The following KIF26A variants were observed in gnomAD, a reference collection of about 807,000 sequenced individuals.
The protein encoded by KIF26A is kinesin-like protein KIF26A.
Under a neutral mutation model 126.0 loss-of-function variants are expected in KIF26A, and 74 were observed. That is an observed-to-expected ratio of 0.59 (90% CI 0.49 to 0.71). The LOEUF (loss-of-function observed/expected upper bound fraction) is 0.71. Among genes scored for constraint, KIF26A ranks in the 30% least tolerant of loss-of-function variants. KIF26A has a pLI of 0.00. For synonymous variants in KIF26A, 1,445 were observed against 1,232.7 expected (o/e 1.17, Z -3.61); for missense variants, 2,984 against 2,763.3 (o/e 1.08, Z -1.79).
At position 104,148,045 on chromosome 14, in the gene KIF26A, G is replaced by T. The variant is rs2037695437; in HGVS notation, c.289-3970G>T. On this transcript the variant is annotated intron_variant, in intron 2 of 14. Coordinates refer to ENST00000423312, the MANE Select transcript of KIF26A (RefSeq NM_015656.2). This position sits in a 1 kb window ranked among gnomAD's most constrained non-coding sequence, Gnocchi z 4.3. Reference sequence around the variant, plus strand: ...TCCCAGGGTGGCCTTACCTGGCGGGGAGGTTTGATCAGCTGTTCTTTCCCA... The same window carrying T: ...TCCCAGGGTGGCCTTACCTGGCGGGTAGGTTTGATCAGCTGTTCTTTCCCA... Among the ~76,000 whole-genome samples, 1 of 152,224 alleles carries T rather than the reference G, an allele frequency of 6.6e-6. No homozygotes were observed. The highest frequency in any genetic ancestry group is 1.5e-5 in the Non-Finnish European group (1 of 68,036).
At chr14:104,160,450 T>A (rs998161003) in intron 4 of KIF26A, among the ~76,000 whole-genome samples, 10 of 152,120 alleles carry the variant, frequency 6.6e-5, no homozygotes, top group Admixed American at 6.5e-5. Context: ...GTACCCGAGT[T>A]TCGTTAATGC....
In KIF26A at chr14:104,178,576, G is replaced by C. The variant is rs950206467; in HGVS notation, c.5137G>C (p.Ala1713Pro). ...TCTGCAGCGGCGGCGCCTGATTCCC[G>C]CCCCACTGCCCGACACCACTGCCCT... ...TGLQRRRLIP[A>P]PLPDTTALGR... is the part of the protein sequence containing the mutation. The change falls in exon 13 of 15, where the codon GCC becomes CCC. Residue 1713 changes from alanine (A) to proline (P), a missense_variant. Ala to Pro is a conservative substitution (Grantham distance 27). Coordinates refer to ENST00000423312, the MANE Select transcript of KIF26A (RefSeq NM_015656.2). The C allele has an allele frequency of 6.7e-7, 1 of 1,490,310 alleles. No homozygotes were observed. Among genetic ancestry groups the C allele is most frequent in the South Asian group, 1.3e-5 (1 of 77,282 alleles). The allele number at this position is 1,490,310 out of a possible 1,614,324, so 92.3% of individuals were successfully genotyped here. A position where few individuals can be genotyped will look rare whatever the true frequency, so the allele number is the denominator to read the frequency against.
Position 104,176,947 on chromosome 14 carries a change from C to G in KIF26A, c.4159C>G (p.Pro1387Ala). ...CTCGGCCCCTCCGCATGCTGTGAACCCGGCGCGGGTCGGGGCTGCTGCTGT... is the reference window on the plus strand; with the variant it reads ...CTCGGCCCCTCCGCATGCTGTGAACGCGGCGCGGGTCGGGGCTGCTGCTGT... ...PASAPPHAVN[P>A]ARVGAAAVLR... is the part of the protein sequence containing the mutation. The change falls in exon 12 of 15, where the codon CCG becomes GCG. Residue 1387 changes from proline to alanine, a missense_variant. Transcript: ENST00000423312. The G allele has an allele frequency of 6.5e-7, 1 of 1,535,516 alleles. No individual in the cohort carries two copies. Among genetic ancestry groups the G allele is most frequent in the Non-Finnish European group, 8.7e-7 (1 of 1,145,766 alleles).
chr14:104,165,606 T>G, intron 4 of KIF26A, among the ~76,000 whole-genome samples: 1 of 140,802 alleles, frequency 7.1e-6, no homozygotes, highest in African/African-American at 3.1e-5. Context: ...TGCATGTGTG[T>G]GTCTCTGTCT....
At position 104,173,838 on chromosome 14, in the gene KIF26A, T is replaced by C; in HGVS notation, c.2000T>C (p.Leu667Pro). ...LSALGSVILA[L>P]VNGAKHVPYR... ...GCCCTGGGCAGCGTCATCTTGGCCCTGGTCAACGGAGCCAAGCATGTGCCG... is the reference window on the plus strand; with the variant it reads ...GCCCTGGGCAGCGTCATCTTGGCCCCGGTCAACGGAGCCAAGCATGTGCCG... The change falls in exon 10 of 15, where the codon CTG (leucine) becomes CCG (proline). Residue 667 changes from leucine (L) to proline (P), a missense_variant. By Grantham distance (98) the Leu-to-Pro change is moderately conservative. Transcript: ENST00000423312. The C allele has an allele frequency of 6.3e-7, 1 of 1,598,598 alleles. No homozygotes were observed. The highest frequency in any genetic ancestry group is 8.5e-7 in the Non-Finnish European group (1 of 1,177,664).
intron 3 of KIF26A, among the ~76,000 whole-genome samples, chr14:104,154,196 C>T (rs1209844153): frequency 6.6e-6 from 1 of 152,150 alleles, no homozygotes; most frequent in Non-Finnish European, 1.5e-5. Context: ...GTCAACCACC[C>T]CTGGGTCGAA....
chr14:104,159,699 A>AG (rs2037815811), intron 4 of KIF26A, among the ~76,000 whole-genome samples: 2 of 152,162 alleles, frequency 1.3e-5, no homozygotes, highest in Non-Finnish European at 1.5e-5. Flanking sequence ...CCAGCCTGTT[A>AG]GGCACCCTGG....
rs896245648 is a variant in KIF26A at position 104,175,997 on chromosome 14, C to T, written c.3209C>T (p.Ser1070Phe). The change falls in exon 12 of 15, where the codon TCC becomes TTC. Residue 1070 changes from serine (S) to phenylalanine (F), a missense_variant. Coordinates refer to ENST00000423312, the MANE Select transcript of KIF26A (RefSeq NM_015656.2). The stretch of plus-strand genomic sequence containing the variant: ...TCCCTGCGGGCCCTGGCCTCGGGGT[C>T]CCGGCCAGTCAGCATCATCAGCAGC... Reference protein sequence around the residue: ...DCSLRALASGSRPVSIISSIN... With the variant: ...DCSLRALASGFRPVSIISSIN... The T allele has an allele frequency of 7.0e-6, 11 of 1,582,376 alleles. No individual in the cohort carries two copies. The highest frequency in any genetic ancestry group is 9.4e-6 in the Non-Finnish European group (11 of 1,170,742).
In KIF26A at chr14:104,152,306, G is replaced by C; in HGVS notation, c.580G>C (p.Gly194Arg). Residue 194 changes from glycine (G) to arginine (R), a missense_variant, in exon 3 of 15, where the codon GGG becomes CGG. Gly to Arg is a moderately radical substitution (Grantham distance 125). Coordinates refer to ENST00000423312, the MANE Select transcript of KIF26A (RefSeq NM_015656.2). The surrounding 1 kb of genome is among the most constrained non-coding windows in gnomAD (Gnocchi z 5.9). ...ACGAGCTGGGCCAGACAGGACCAAG[G>C]GGCTGGCCTGGTCCCCCGGGCCCAG... ...PGRAGPDRTKGLAWSPGPSVQ... is the reference protein window; with the variant it reads ...PGRAGPDRTKRLAWSPGPSVQ... 1.9e-6 allele frequency: 3 copies of C among 1,583,884 alleles called. No homozygotes were observed. Among genetic ancestry groups the C allele is most frequent in the Non-Finnish European group, 2.6e-6 (3 of 1,167,448 alleles).
chr14:104,138,975 G>A (rs1413098916), intron 1 of KIF26A, 68 bp from the exon 2 acceptor site: 2 of 1,310,270 alleles, frequency 1.5e-6, no homozygotes, highest in East Asian at 6.3e-5. Flanking sequence ...CTGGGGCAGG[G>A]CGCGCAGGGG....
intron 5 of KIF26A, among the ~76,000 whole-genome samples, chr14:104,168,458 TA>T (rs910164337): frequency 6.6e-6 from 1 of 152,128 alleles, no homozygotes; most frequent in Non-Finnish European, 1.5e-5. Flanking sequence ...CCGTGGGGCA[TA>T]GGGGCTCTGG....
chr14:104,177,420 C>A lies in KIF26A; in HGVS notation c.4632C>A (p.Val1544=). 6.6e-7 allele frequency: 1 copy of A among 1,508,046 alleles called. No individual in the cohort carries two copies. The highest frequency in any genetic ancestry group is 8.8e-7 in the Non-Finnish European group (1 of 1,132,274). The allele number at this position is 1,508,046 out of a possible 1,614,324, so 93.4% of individuals were successfully genotyped here. A position where few individuals can be genotyped will look rare whatever the true frequency, so the allele number is the denominator to read the frequency against. ...PRAAPRAGPS[V]GAKAGRGTVM... is the part of the protein sequence containing the mutation. ...CAGCCCCACGGGCCGGGCCCAGTGT[C>A]GGGGCGAAGGCTGGCCGGGGTACCG... Residue 1544 remains valine (V), a synonymous_variant, in exon 12 of 15, where the codon GTC becomes GTA. Transcript: ENST00000423312.
chr14:104,172,176 C>T (rs754406541), intron 6 of KIF26A, among the ~76,000 whole-genome samples: 5 of 152,246 alleles, frequency 3.3e-5, no homozygotes, highest in Non-Finnish European at 4.4e-5. Context: ...CCTGGTTTTC[C>T]GGAGCCCGCC....
At position 104,143,611 on chromosome 14, in the gene KIF26A, C is replaced by G. The variant is rs529025553; in HGVS notation, c.288+4323C>G. 1.8e-4 allele frequency among the ~76,000 whole-genome samples: 27 copies of G among 152,328 alleles called. 1 individual carries two copies. The highest frequency in any genetic ancestry group is 4.1e-4 in the South Asian group (2 of 4,830). On this transcript the variant is annotated intron_variant, in intron 2 of 14. Transcript: ENST00000423312. ...TTTGGGGGTCCCAGGTCTGTTGCCC[C>G]CAAATAGGCAATGGTCCTGGGAGGG...
rs776724325 is a variant in KIF26A at position 104,166,871 on chromosome 14, G to T, written c.936G>T (p.Lys312Asn). The T allele has an allele frequency of 1.3e-6, 2 of 1,576,554 alleles. No individual in the cohort carries two copies. The highest frequency in any genetic ancestry group is 1.7e-6 in the Non-Finnish European group (2 of 1,162,440). The change falls in exon 5 of 15, where the codon AAG becomes AAT. Residue 312 changes from lysine (K) to asparagine (N), a missense_variant. Transcript: ENST00000423312. The stretch of plus-strand genomic sequence containing the variant: ...CTCTCCTCCCCAGGGCTATGCAGAA[G>T]CTCAGCCTGGCCTCCAAGAGGAAGA... ...AASFFIRAMQ[K>N]LSLASKRKKP...
intron 3 of KIF26A, among the ~76,000 whole-genome samples, chr14:104,154,094 C>T (rs2037755321): frequency 1.3e-5 from 2 of 152,216 alleles, no homozygotes; most frequent in Admixed American, 1.3e-4. Flanking sequence ...GGGCATCGAT[C>T]ATTAGCGTGG....
Position 104,179,913 on chromosome 14 carries a change from G to A in KIF26A, c.*123G>A, listed in dbSNP as rs1273836356. On this transcript the variant is annotated 3_prime_UTR_variant, in exon 15 of 15. Transcript: ENST00000423312. The stretch of plus-strand genomic sequence containing the variant: ...GGAGGGGTTTCTGTGCAGGACGGGA[G>A]TCTCAGAGAGGAGACGGAGTGTGGG... 109 of 1,049,198 alleles carry A rather than the reference G, an allele frequency of 1.0e-4. 1 individual carries two copies. In the East Asian group the frequency reaches 2.9e-3, roughly 28 times the overall value. 65.0% of individuals were successfully genotyped at this position (1,049,198 alleles called of 1,614,324 possible). A position where few individuals can be genotyped will look rare whatever the true frequency, so the allele number is the denominator to read the frequency against.
chr14:104,157,373 TG>T, intron 3 of KIF26A, among the ~76,000 whole-genome samples: 1 of 152,066 alleles, frequency 6.6e-6, no homozygotes, highest in Middle Eastern at 3.4e-3. Context: ...GGTGAGAGGG[TG>T]GGGGGTCTGT....
In KIF26A at chr14:104,177,591, G is replaced by A; in HGVS notation, c.4803G>A (p.Glu1601=). The A allele has an allele frequency of 1.3e-6, 2 of 1,532,628 alleles. No homozygotes were observed. The highest frequency in any genetic ancestry group is 1.7e-6 in the Non-Finnish European group (2 of 1,144,470). The allele number at this position is 1,532,628 out of a possible 1,614,324, so 94.9% of individuals were successfully genotyped here. A position where few individuals can be genotyped will look rare whatever the true frequency, so the allele number is the denominator to read the frequency against. ...ACAGCGGCGTGAACGTGGGGGAGGA[G>A]CGGCCACCCACGGGCCCGGCCCTGC... is the stretch of plus-strand genomic sequence containing the variant. The part of the protein sequence containing the change: ...GHDSGVNVGE[E]RPPTGPALPS... Residue 1601 remains glutamate (E), a synonymous_variant, in exon 12 of 15, where the codon GAG becomes GAA. Transcript: ENST00000423312.
Sources: allele counts gnomAD v4.1 joint callset (sites outside exome capture counted in the v4.1 genomes callset), GRCh38; gene constraint gnomAD v4.1.1; non-coding constraint Gnocchi (gnomAD v3.1); transcripts MANE v1.5; gene names NCBI Gene and HGNC (gene_info 2026-07-23, HGNC 2026-07-21).